Variants in TUG1 observed in about 807,000 individuals in gnomAD.
TUG1 encodes taurine up-regulated 1, also known as taurine upregulated gene 1.
At chr22:30,970,073 A>G (rs567797155) in exon 1 of TUG1, 1 of 152,080 alleles carries the variant, frequency 6.6e-6, no homozygotes, top group Non-Finnish European at 1.5e-5. Context: ...TTGTAAGAAA[A>G]CTTAGCAGTT....
chr22:30,979,059 C>G (rs552079441), exon 3 of TUG1: 1 of 151,746 alleles, frequency 6.6e-6, no homozygotes, highest in South Asian at 2.1e-4. Context: ...TAATAGAAAA[C>G]CTAAATGTCT....
At chr22:30,978,175 G>C (rs1212384462) in exon 3 of TUG1, 3 of 152,192 alleles carry the variant, frequency 2.0e-5, no homozygotes, top group Non-Finnish European at 1.5e-5. Flanking sequence ...TCTTACTTCA[G>C]ATCAGCAGGA....
Position 30,976,174 on chromosome 22 carries a change from C to T in TUG1, c.*3699C>T, listed in dbSNP as rs766483380. ...CTCACTTTAACAGTTGAACTTCAAG[C>T]GACAATCTTTGAACACCCCTTCTCA... On this transcript the variant is annotated 3_prime_UTR_variant, in exon 3 of 3. Transcript: ENST00000644773. 3.3e-5 allele frequency: 5 copies of T among 151,946 alleles called. No homozygotes were observed. In the East Asian group the frequency reaches 5.8e-4, roughly 18 times the overall value. The allele number at this position is 151,946 out of a possible 1,614,324, so 9.4% of individuals were successfully genotyped here.
chr22:30,969,934 C>A (rs2041207433), exon 1 of TUG1: 1 of 152,240 alleles, frequency 6.6e-6, no homozygotes, highest in Non-Finnish European at 1.5e-5. Context: ...TTAGGCGAGT[C>A]ACTCTGTAAT....
chr22:30,972,333 G>A (rs752786516), intron 1 of TUG1: 4 of 151,940 alleles, frequency 2.6e-5, no homozygotes, highest in Non-Finnish European at 4.4e-5. Flanking sequence ...TGAATGATGG[G>A]GTATTACATA....
rs527242470 is a variant in TUG1 at position 30,971,234 on chromosome 22, A to G, written c.*1416A>G. Reference sequence around the variant, plus strand: ...AAATGTCTGAAAAAATCAATTGACTATTCCCTTTTCCTAAAGGGCAGAGAC... The same window carrying G: ...AAATGTCTGAAAAAATCAATTGACTGTTCCCTTTTCCTAAAGGGCAGAGAC... On this transcript the variant is annotated 3_prime_UTR_variant, in exon 1 of 3. Transcript: ENST00000644773. 1.5e-3 allele frequency: 232 copies of G among 152,326 alleles called. 1 individual carries two copies. The highest frequency in any genetic ancestry group is 5.2e-3 in the African/African-American group (218 of 41,576). The allele number at this position is 152,326 out of a possible 1,614,324, so 9.4% of individuals were successfully genotyped here.
chr22:30,969,922 C>T (rs980401096), exon 1 of TUG1: 1 of 152,238 alleles, frequency 6.6e-6, no homozygotes, highest in South Asian at 2.1e-4. Context: ...GGCGGAGTGA[C>T]CTTAGGCGAG....
At chr22:30,970,454 G>A (rs2041216301) in exon 1 of TUG1, 1 of 152,172 alleles carries the variant, frequency 6.6e-6, no homozygotes, top group South Asian at 2.1e-4. Flanking sequence ...CTTTCACCAT[G>A]GGGTGCCTGA....
chr22:30,972,573 T>C (rs866085560), intron 1 of TUG1: 7 of 152,320 alleles, frequency 4.6e-5, no homozygotes, highest in African/African-American at 1.7e-4. Flanking sequence ...CCCAGTACCC[T>C]GAATCCGATC....
At chr22:30,972,769 T>C (rs773929042) in intron 1 of TUG1, 86 bp from the exon 2 acceptor site, 5 of 153,262 alleles carry the variant, frequency 3.3e-5, no homozygotes, top group Admixed American at 6.5e-5. Context: ...AGGCTGCCGA[T>C]GTGCTGACAG....
At chr22:30,976,062 T>C (rs1452425507) in exon 3 of TUG1, 1 of 112,030 alleles carries the variant, frequency 8.9e-6, no homozygotes, top group Non-Finnish European at 1.9e-5. Flanking sequence ...CTAATAAGCT[T>C]TAAAAAAAAA....
At chr22:30,970,256 A>G (rs2041213381) in exon 1 of TUG1, 1 of 152,220 alleles carries the variant, frequency 6.6e-6, no homozygotes, top group Admixed American at 6.5e-5. Flanking sequence ...GCTGTGACCC[A>G]GAAGAGTTAA....
intron 2 of TUG1, chr22:30,974,836 TGAG>T (rs2041270321): frequency 6.6e-6 from 1 of 152,170 alleles, no homozygotes; most frequent in Non-Finnish European, 1.5e-5. Flanking sequence ...AGAAAAGGGA[TGAG>T]GAGATATTTT....
chr22:30,971,369 A>G (rs2041228468), exon 1 of TUG1: 1 of 152,546 alleles, frequency 6.6e-6, no homozygotes. Flanking sequence ...CTGTGGTGAT[A>G]AGATGCTTTC....
At chr22:30,969,965 T>C (rs1262132015) in exon 1 of TUG1, 1 of 152,210 alleles carries the variant, frequency 6.6e-6, no homozygotes, top group Non-Finnish European at 1.5e-5. Flanking sequence ...CTCAGTTTCC[T>C]CCTCTGCCTA....
intron 1 of TUG1, chr22:30,972,476 C>G (rs1187829264): frequency 1.3e-5 from 2 of 152,122 alleles, no homozygotes; most frequent in Non-Finnish European, 2.9e-5. Context: ...GCAATGTCTC[C>G]TTTGTTTTAT....
At chr22:30,970,983 T>C (rs552292130) in exon 1 of TUG1, 32 of 152,344 alleles carry the variant, frequency 2.1e-4, no homozygotes, top group African/African-American at 7.5e-4. Context: ...AATACTAGGA[T>C]GTCCAAGATG....
chr22:30,975,189 T>A (rs2041274378), exon 3 of TUG1: 1 of 152,230 alleles, frequency 6.6e-6, no homozygotes, highest in Admixed American at 6.5e-5. Context: ...ACCGACTTAT[T>A]CTTAGATCAT....
chr22:30,976,876 C>T (rs1029955530), exon 3 of TUG1: 3 of 152,200 alleles, frequency 2.0e-5, no homozygotes, highest in Non-Finnish European at 4.4e-5. Context: ...CAAACAAGGC[C>T]TAGGTCTGGT....
Sources: gnomAD v4.1 joint callset for allele counts on GRCh38, gnomAD v4.1.1 for gene constraint, MANE v1.5 for transcripts, NCBI Gene and HGNC (gene_info 2026-07-23, HGNC 2026-07-21) for gene names.